IRAK1BP1: variants seen among roughly 807,000 people sequenced by gnomAD.
The protein encoded by IRAK1BP1 is interleukin 1 receptor associated kinase 1 binding protein 1, also known as interleukin-1 receptor-associated kinase 1-binding protein 1.
In IRAK1BP1, 24 loss-of-function variants were observed where a neutral mutation model predicts 28.0. The observed-to-expected ratio is 0.86, with a 90% CI of 0.62 to 1.20. The LOEUF is 1.20. IRAK1BP1 is among the 50% of genes most tolerant of loss of function. The pLI, the probability that IRAK1BP1 is intolerant of heterozygous loss-of-function variation, is 0.00. For synonymous variants in IRAK1BP1, 131 were observed against 116.3 expected (o/e 1.13, Z -0.81); for missense variants, 336 against 316.7 (o/e 1.06, Z -0.46).
At chr6:78,911,269 C>T (rs1772411034) in intron 4 of IRAK1BP1, among the ~76,000 whole-genome samples, 2 of 152,150 alleles carry the variant, frequency 1.3e-5, no homozygotes, top group African/African-American at 2.4e-5. Context: ...TTAAATGCGA[C>T]TCTGATTGCG....
chr6:78,892,485 G>A (rs1174636556), intron 2 of IRAK1BP1, among the ~76,000 whole-genome samples: 1 of 151,874 alleles, frequency 6.6e-6, no homozygotes, highest in Non-Finnish European at 1.5e-5. Context: ...CTTTGTTACT[G>A]CTATTTCAGT....
At chr6:78,919,652 AAACCCTG>A (rs1361625000) in intron 4 of IRAK1BP1, among the ~76,000 whole-genome samples, 1 of 152,214 alleles carries the variant, frequency 6.6e-6, no homozygotes, top group Non-Finnish European at 1.5e-5. Context: ...GAAGAAACTG[AAACCCTG>A]AATGGATCAA....
intron 1 of IRAK1BP1, among the ~76,000 whole-genome samples, chr6:78,874,446 A>G (rs2127666314): frequency 6.6e-6 from 1 of 152,296 alleles, no homozygotes; most frequent in South Asian, 2.1e-4. Flanking sequence ...TGTAATCTTC[A>G]GATGTTCTTG....
At chr6:78,929,588 G>T (rs927799246) in intron 4 of IRAK1BP1, among the ~76,000 whole-genome samples, 1 of 152,178 alleles carries the variant, frequency 6.6e-6, no homozygotes, top group African/African-American at 2.4e-5. Context: ...TGGGTACTAT[G>T]CTTGGTACCT....
At chr6:78,905,750 T>C (rs529336971), downstream of IRAK1BP1, among the ~76,000 whole-genome samples, 1 of 152,096 alleles carries the variant, frequency 6.6e-6, no homozygotes, top group South Asian at 2.1e-4. Flanking sequence ...TACAGGCACA[T>C]GCTACCATGC....
At position 78,901,200 on chromosome 6, in the gene IRAK1BP1, T is replaced by C. The variant is rs1227632585; in HGVS notation, c.*2866T>C. 1.3e-5 allele frequency: 2 copies of C among 151,506 alleles called. No homozygotes were observed. The highest frequency in any genetic ancestry group is 2.9e-5 in the Non-Finnish European group (2 of 67,894). 9.4% of individuals were successfully genotyped at this position (151,506 alleles called of 1,614,324 possible). ...CCTAAAGACAATTTTTTTTTTAAGT[T>C]AGTAGGCACTTTTTAGAATTTCCAG... is the stretch of plus-strand genomic sequence containing the variant. On this transcript the variant is annotated 3_prime_UTR_variant, in exon 4 of 4. Coordinates refer to ENST00000369940, the MANE Select transcript of IRAK1BP1 (RefSeq NM_001010844.4).
chr6:78,877,479 C>T (rs1351396315), intron 1 of IRAK1BP1, among the ~76,000 whole-genome samples: 1 of 152,204 alleles, frequency 6.6e-6, no homozygotes, highest in East Asian at 1.9e-4. Flanking sequence ...AGACTGCACA[C>T]ACTTCCCTTT....
intron 1 of IRAK1BP1, chr6:78,872,193 A>G: frequency 1.5e-6 from 1 of 683,550 alleles, no homozygotes; most frequent in South Asian, 1.6e-5. Flanking sequence ...TGAGCTGACC[A>G]CAGCGGTAAT....
chr6:78,974,778 A>T, the IRAK1BP1 span, among the ~76,000 whole-genome samples: 1 of 151,906 alleles, frequency 6.6e-6, no homozygotes, highest in African/African-American at 2.4e-5. Context: ...TCTAGAAGAA[A>T]TGGATAAATT....
At chr6:78,957,591 A>C in the IRAK1BP1 span, 8 of 151,872 alleles carry the variant, frequency 5.3e-5, no homozygotes, top group South Asian at 2.1e-4. Context: ...AAAAAAAAAA[A>C]AAAACTGAAT....
chr6:78,937,012 A>G (rs1011067513), intron 4 of IRAK1BP1: 1 of 151,842 alleles, frequency 6.6e-6, no homozygotes, highest in Admixed American at 6.6e-5. Context: ...CTGTTATGTT[A>G]GAAATACTTT....
chr6:78,943,796 G>A (rs889755304), intron 4 of IRAK1BP1, among the ~76,000 whole-genome samples: 11 of 151,912 alleles, frequency 7.2e-5, no homozygotes, highest in South Asian at 6.2e-4. Flanking sequence ...AGACCAGCCT[G>A]GTCAAAATGG....
chr6:78,940,661 A>T (rs770821081), intron 4 of IRAK1BP1: 1 of 1,384,968 alleles, frequency 7.2e-7, no homozygotes, highest in East Asian at 3.0e-5. Flanking sequence ...TACCTGCTTT[A>T]TAGATTTTGA....
intron 2 of IRAK1BP1, among the ~76,000 whole-genome samples, chr6:78,893,316 A>ATATATATG (rs1771744102): frequency 2.9e-5 from 1 of 34,590 alleles, no homozygotes; most frequent in Non-Finnish European, 5.9e-5. Context: ...GTGTGTGTGT[A>ATATATATG]TATATATATA....
chr6:78,972,763 G>C, the IRAK1BP1 span, among the ~76,000 whole-genome samples: 3 of 152,124 alleles, frequency 2.0e-5, no homozygotes, highest in Admixed American at 6.6e-5. Context: ...CGATGAACTG[G>C]AAGAAAGGGT....
At chr6:78,896,476 T>C (rs375382476) in intron 2 of IRAK1BP1, among the ~76,000 whole-genome samples, 73 of 152,292 alleles carry the variant, frequency 4.8e-4, no homozygotes, top group African/African-American at 1.6e-3. Context: ...GAGCACATAC[T>C]ATATGCTTCC....
the IRAK1BP1 span, among the ~76,000 whole-genome samples, chr6:78,973,807 A>G: frequency 2.0e-5 from 3 of 151,972 alleles, no homozygotes; most frequent in Non-Finnish European, 4.4e-5. Context: ...AAAGGGGTCA[A>G]TTCAACAAGA....
intron 4 of IRAK1BP1, among the ~76,000 whole-genome samples, chr6:78,926,028 C>A (rs971597665): frequency 1.3e-5 from 2 of 151,984 alleles, no homozygotes; most frequent in African/African-American, 4.8e-5. Context: ...ACAGTAGGAC[C>A]TACTGAAGGA....
At chr6:78,969,244 G>A in the IRAK1BP1 span, among the ~76,000 whole-genome samples, 112 of 152,262 alleles carry the variant, frequency 7.4e-4, no homozygotes, top group South Asian at 1.7e-3. Context: ...AGGACAGACT[G>A]GTATATCAAT....
Sources: allele counts gnomAD v4.1 joint callset (sites outside exome capture counted in the v4.1 genomes callset), GRCh38; gene constraint gnomAD v4.1.1; transcripts MANE v1.5; gene names NCBI Gene and HGNC (gene_info 2026-07-23, HGNC 2026-07-21).